RNASE9: variants seen among roughly 807,000 people sequenced by gnomAD.
RNASE9 encodes the protein inactive ribonuclease-like protein 9.
For synonymous variants in RNASE9, 95 were observed against 87.6 expected, an observed-to-expected ratio of 1.08 and a Z score of -0.47; for missense variants, 263 against 247.1, an observed-to-expected ratio of 1.06 and a Z score of -0.43.
rs900372223 is a variant in RNASE9, at chr14:20,560,276, C to T, written c.-1634+598G>A. The T allele has an allele frequency of 2.6e-5, 4 of 151,966 alleles. No individual in the cohort carries two copies. In the East Asian group the frequency reaches 5.8e-4, roughly 22 times the overall value. The allele number at this position is 151,966 out of a possible 1,614,324, so 9.4% of individuals were successfully genotyped here. On this transcript the variant is annotated intron_variant, in intron 1 of 2. Transcript: ENST00000555230. ...TGATCATATAATAATTATATAGCCT[C>T]AATCACAGAAGGAAAAACTAAATTA...
At chr14:20,559,530 T>G (rs1478931672) in intron 2 of RNASE9, 52 bp downstream of exon 2, 1 of 151,998 alleles carries the variant, frequency 6.6e-6, no homozygotes, top group East Asian at 1.9e-4. Flanking sequence ...CACTCAGTGT[T>G]TCTGAAGTTT....
At chr14:20,560,488 A>G (rs1883910548) in intron 1 of RNASE9, 2 of 152,074 alleles carry the variant, frequency 1.3e-5, no homozygotes, top group South Asian at 4.1e-4. Flanking sequence ...AATAATTTAT[A>G]TTGAAAGACA....
At position 20,557,302 on chromosome 14, in the gene RNASE9, G is replaced by T. The variant is rs1883746731; in HGVS notation, c.-233C>A. 6.7e-6 allele frequency: 3 copies of T among 447,984 alleles called. No homozygotes were observed. The East Asian group carries it at 9.7e-5, about 14-fold the overall frequency. The allele number at this position is 447,984 out of a possible 1,614,324, so 27.8% of individuals were successfully genotyped here. The stretch of plus-strand genomic sequence containing the variant: ...TAGAGCTGTGGTAAGAGAAGAAAAG[G>T]TGAAAGGAAGGAGAATGAGAAAGGG... On this transcript the variant is annotated 5_prime_UTR_variant, in exon 3 of 3. Coordinates refer to ENST00000555230, the Ensembl canonical transcript of RNASE9.
exon 3 of RNASE9, chr14:20,557,254 C>G: frequency 1.6e-6 from 1 of 607,808 alleles, no homozygotes; most frequent in Non-Finnish European, 2.8e-6. Flanking sequence ...ACAAAAATGA[C>G]CTTACTAGGC....
At chr14:20,557,198 T>G (rs889676055) in exon 3 of RNASE9, 2 of 969,046 alleles carry the variant, frequency 2.1e-6, no homozygotes, top group African/African-American at 3.3e-5. Flanking sequence ...TTGGACCATT[T>G]TTAAATTACC....
exon 3 of RNASE9, chr14:20,557,049 G>C: frequency 6.2e-7 from 1 of 1,608,772 alleles, no homozygotes; most frequent in Non-Finnish European, 8.5e-7. Flanking sequence ...GTGGGTGTGT[G>C]GTGATGAGAG....
exon 3 of RNASE9, chr14:20,558,522 C>A (rs1389338571): frequency 1.3e-6 from 2 of 1,525,674 alleles, no homozygotes; most frequent in Non-Finnish European, 1.8e-6. Flanking sequence ...GCTTTTCCTC[C>A]CATCCCTGCT....
chr14:20,558,596 C>CAG (rs753111240), exon 3 of RNASE9: 16 of 1,550,952 alleles, frequency 1.0e-5, no homozygotes, highest in Non-Finnish European at 1.4e-5. Flanking sequence ...GGTGACAGGT[C>CAG]AGAGAGCTCG....
At chr14:20,559,028 A>T (rs1883835119) in intron 2 of RNASE9, among the ~76,000 whole-genome samples, 1 of 152,110 alleles carries the variant, frequency 6.6e-6, no homozygotes. Context: ...CCTAATTTTA[A>T]AAGCTAGTTT....
At chr14:20,557,264 C>A (rs1883745452) in exon 3 of RNASE9, 1 of 590,302 alleles carries the variant, frequency 1.7e-6, no homozygotes, top group Non-Finnish European at 2.9e-6. Flanking sequence ...CCTTACTAGG[C>A]CTACAGTCAG....
In RNASE9 at chr14:20,558,377, C is replaced by T. The variant is rs1016729315; in HGVS notation, c.-1308G>A. The T allele has an allele frequency of 1.0e-5, 7 of 680,362 alleles. No individual in the cohort carries two copies. The African/African-American group carries it at 1.3e-4, about 12-fold the overall frequency. The allele number at this position is 680,362 out of a possible 1,614,324, so 42.1% of individuals were successfully genotyped here. On this transcript the variant is annotated 5_prime_UTR_variant, in exon 3 of 3. Transcript: ENST00000555230. ...AAAGAAAGGTGGGTGTTGGGGAACA[C>T]ATCAGAAAGTAGAGACAGGAAAGTT... is the stretch of plus-strand genomic sequence containing the variant.
At chr14:20,558,774 G>T in intron 2 of RNASE9, 1 of 604,974 alleles carries the variant, frequency 1.7e-6, no homozygotes, top group South Asian at 2.1e-5. Context: ...TTTTAAATCT[G>T]CAACCTTCTT....
At chr14:20,558,310 T>C in exon 3 of RNASE9, 1 of 598,344 alleles carries the variant, frequency 1.7e-6, no homozygotes, top group East Asian at 2.8e-5. Flanking sequence ...GGATACTAAG[T>C]TTGTATATAT....
chr14:20,558,587 G>T, exon 3 of RNASE9: 1 of 1,551,024 alleles, frequency 6.4e-7, no homozygotes, highest in Non-Finnish European at 8.7e-7. Context: ...TGATCCCATG[G>T]TGACAGGTCA....
exon 3 of RNASE9, chr14:20,558,368 T>A: frequency 1.5e-6 from 1 of 668,798 alleles, no homozygotes; most frequent in South Asian, 1.7e-5. Context: ...AGGTGGGTGT[T>A]GGGGAACACA....
chr14:20,557,978 C>T (rs2138858407), exon 3 of RNASE9: 1 of 158,140 alleles, frequency 6.3e-6, no homozygotes, highest in Non-Finnish European at 1.4e-5. Context: ...TCCTTAGCTG[C>T]TATTCTATGG....
intron 2 of RNASE9, chr14:20,558,759 T>C (rs1883821109): frequency 1.6e-6 from 1 of 640,528 alleles, no homozygotes; most frequent in Admixed American, 2.5e-5. Flanking sequence ...GAATACTCTT[T>C]TGTTTTTTAA....
chr14:20,556,345 G>A lies in RNASE9; in HGVS notation c.*107C>T, dbSNP rs1276509359. 5 of 793,126 alleles carry A rather than the reference G, an allele frequency of 6.3e-6. No homozygotes were observed. In the Admixed American group the frequency reaches 1.2e-4, roughly 19 times the overall value. The allele number at this position is 793,126 out of a possible 1,614,324, so 49.1% of individuals were successfully genotyped here. Reference sequence around the variant, plus strand: ...GTTGGGAAAGGAAGAAAGGAAGGTGGGTGATTAAAGTGAATGGAAGCAAAA... The same window carrying A: ...GTTGGGAAAGGAAGAAAGGAAGGTGAGTGATTAAAGTGAATGGAAGCAAAA... On this transcript the variant is annotated 3_prime_UTR_variant, in exon 3 of 3. Transcript: ENST00000555230.
chr14:20,558,480 C>T (rs1358063857), exon 3 of RNASE9: 9 of 1,181,686 alleles, frequency 7.6e-6, no homozygotes, highest in South Asian at 3.9e-5. Flanking sequence ...CACTCTGGGG[C>T]GGCCATGTGC....
Sources: gnomAD v4.1 joint callset for allele counts (sites outside exome capture counted in the v4.1 genomes callset) on GRCh38, gnomAD v4.1.1 for gene constraint, MANE v1.5 for transcripts, NCBI Gene and HGNC (gene_info 2026-07-23, HGNC 2026-07-21) for gene names.